Variants in VIRMA observed in about 807,000 individuals in gnomAD.
VIRMA encodes the protein vir like m6A methyltransferase associated, also known as protein virilizer homolog.
A neutral mutation model predicts 182.4 loss-of-function variants in VIRMA; 65 were observed. The ratio of observed to expected loss-of-function variants is 0.36; its 90% confidence interval spans 0.29 to 0.44. The LOEUF (loss-of-function observed/expected upper bound fraction) is 0.44, where lower values mean the gene tolerates loss of function less well. Ranked by LOEUF, VIRMA falls within the 20% of genes least tolerant of loss-of-function variation. The pLI is 1.00. For synonymous variants in VIRMA, 709 were observed against 743.1 expected (o/e 0.95, Z 0.75); for missense variants, 1,752 against 2,158.1 (o/e 0.81, Z 3.73).
At chr8:94,498,213 T>A (rs1365225415) in intron 17 of VIRMA, 1 of 152,200 alleles carries the variant, frequency 6.6e-6, no homozygotes, top group African/African-American at 2.4e-5. Context: ...ATTGTGCTCA[T>A]AATATACCAT....
chr8:94,542,589 A>G (rs1162279920), intron 2 of VIRMA, among the ~76,000 whole-genome samples: 1 of 152,246 alleles, frequency 6.6e-6, no homozygotes, highest in Admixed American at 6.5e-5. Flanking sequence ...GTACAATTAG[A>G]GAAGACTGTT....
chr8:94,496,355 C>T lies in VIRMA; in HGVS notation c.4356G>A (p.Leu1452=). 6.2e-7 allele frequency: 1 copy of T among 1,612,092 alleles called. No individual in the cohort carries two copies. The highest frequency in any genetic ancestry group is 8.5e-7 in the Non-Finnish European group (1 of 1,179,532). The change falls in exon 18 of 24, where the codon TTG becomes TTA. Residue 1452 remains leucine (L), a synonymous_variant. Coordinates refer to ENST00000297591, the MANE Select transcript of VIRMA (RefSeq NM_015496.5). ...AAACAAGCTTCTCTAGTTCAAGGAA[C>T]AAATTTTCTGGACTTTCTTCTTTGC... is the stretch of plus-strand genomic sequence containing the variant. The part of the protein sequence containing the change: ...LQSKEESPEN[L]FLELEKLVLE...
Position 94,527,221 on chromosome 8 carries a change from A to G in VIRMA, c.1023T>C (p.Tyr341=), listed in dbSNP as rs1356464712. Residue 341 remains tyrosine, a synonymous_variant, in exon 8 of 24, where the codon TAT becomes TAC. Coordinates refer to ENST00000297591, the MANE Select transcript of VIRMA (RefSeq NM_015496.5). ...ATAAGAGTGGTACAAGCTCCCTGTC[A>G]TATGGATCATATGTCATAGGAGGAA... ...ASVPPMTYDP[Y]DRELVPLLYF... 6.2e-7 allele frequency: 1 copy of G among 1,614,118 alleles called. No individual in the cohort carries two copies.
intron 12 of VIRMA, 23 bp downstream of exon 12, chr8:94,511,973 T>G: frequency 7.2e-7 from 1 of 1,392,780 alleles, no homozygotes; most frequent in Non-Finnish European, 9.7e-7. Context: ...ATCGTAGTTT[T>G]TAAAATACAG....
At chr8:94,528,533 T>A (rs960178218) in intron 7 of VIRMA, among the ~76,000 whole-genome samples, 16 of 152,226 alleles carry the variant, frequency 1.1e-4, no homozygotes, top group African/African-American at 3.9e-4. Flanking sequence ...TTAGCTTGAG[T>A]ATCTCTCACT....
At chr8:94,525,416 C>T (rs952002352) in intron 8 of VIRMA, among the ~76,000 whole-genome samples, 2 of 152,184 alleles carry the variant, frequency 1.3e-5, no homozygotes, top group Non-Finnish European at 2.9e-5. Flanking sequence ...TTTCAAAGAA[C>T]CTGCACCCAA....
At position 94,519,280 on chromosome 8, in the gene VIRMA, CA is replaced by C; in HGVS notation, c.2217del (p.Tyr739Ter). On this transcript the variant is annotated frameshift_variant, in exon 9 of 24. Transcript: ENST00000297591. LOFTEE classifies it high-confidence loss of function. ...TGGAGACCTTCCTCCTCATCTTGAT[CA>C]TAAAAGTGACACAGAGCTCGGATCA... ...NLLIRALCHF[Y>X]DQDEEEGLQS... 1 of 1,614,078 alleles carries C rather than the reference CA, an allele frequency of 6.2e-7. No homozygotes were observed. Among genetic ancestry groups the C allele is most frequent in the Non-Finnish European group, 8.5e-7 (1 of 1,180,006 alleles).
intron 1 of VIRMA, among the ~76,000 whole-genome samples, chr8:94,547,779 T>A (rs981070719): frequency 6.7e-6 from 1 of 150,134 alleles, no homozygotes; most frequent in Admixed American, 6.6e-5. Flanking sequence ...AGCATTAATA[T>A]CGTAGCACTT....
intron 1 of VIRMA, among the ~76,000 whole-genome samples, chr8:94,551,080 T>G (rs986080144): frequency 6.6e-6 from 1 of 152,154 alleles, no homozygotes; most frequent in Non-Finnish European, 1.5e-5. Context: ...TTGAATTGCC[T>G]TGGGTGCCAC....
In VIRMA at chr8:94,490,012, G is replaced by GT; in HGVS notation, c.5210dup (p.Tyr1737Ter). 6.2e-7 allele frequency: 1 copy of GT among 1,614,160 alleles called. No individual in the cohort carries two copies. Among genetic ancestry groups the GT allele is most frequent in the Non-Finnish European group, 8.5e-7 (1 of 1,180,006 alleles). The change falls in exon 23 of 24, where the codon TAC becomes TAAC. Residue 1737 changes from tyrosine to a stop codon, truncating the protein, a stop_gained and frameshift_variant. Coordinates refer to ENST00000297591, the MANE Select transcript of VIRMA (RefSeq NM_015496.5). LOFTEE classifies it high-confidence loss of function. ...WSAQNTPRGN[Y>*]NESRGGQSNF... ...TGCTCTGGCCTCCACGACTTTCATT[G>GT]TAATTTCCTCGAGGAGTATTCTGAG...
chr8:94,506,503 T>C lies in VIRMA; in HGVS notation c.4094A>G (p.Lys1365Arg). The C allele has an allele frequency of 1.3e-6, 2 of 1,594,150 alleles. No individual in the cohort carries two copies. Among genetic ancestry groups the C allele is most frequent in the Non-Finnish European group, 1.7e-6 (2 of 1,164,772 alleles). Residue 1365 changes from lysine to arginine, a missense_variant, in exon 16 of 24, where the codon AAA becomes AGA. Lys to Arg is a conservative substitution (Grantham distance 26). This residue lies in a region of VIRMA where 777 missense variants were observed against 920.6 expected (regional missense o/e 0.84). Transcript: ENST00000297591. ...AEHDYGLFHLKSSLRKNSSAL... is the reference protein window; with the variant it reads ...AEHDYGLFHLRSSLRKNSSAL... ...ATTAAATTAGACAAATCATTACCTT[T>C]TTAAATGAAATAATCCATAATCATG...
At chr8:94,515,096 T>C (rs1814514973) in intron 10 of VIRMA, 145 bp from the exon 11 acceptor site, 1 of 430,870 alleles carries the variant, frequency 2.3e-6, no homozygotes, top group Admixed American at 3.8e-5. Context: ...ATGCATCTAA[T>C]TCTTTTTTTT....
At chr8:94,524,229 C>T (rs986409625) in intron 8 of VIRMA, among the ~76,000 whole-genome samples, 1 of 151,548 alleles carries the variant, frequency 6.6e-6, no homozygotes, top group Non-Finnish European at 1.5e-5. Context: ...GAACTCTCGA[C>T]CTCAGGTGAA....
At chr8:94,527,549 ACTT>A (rs1306303806) in intron 7 of VIRMA, among the ~76,000 whole-genome samples, 186 bp from the exon 8 acceptor site, 3 of 152,186 alleles carry the variant, frequency 2.0e-5, no homozygotes, top group Non-Finnish European at 4.4e-5. Context: ...TTATGGACAA[ACTT>A]CTTTTTTTCC....
intron 19 of VIRMA, among the ~76,000 whole-genome samples, 162 bp downstream of exon 19, chr8:94,495,569 A>AC (rs1245738213): frequency 1.3e-5 from 2 of 151,752 alleles, no homozygotes; most frequent in Admixed American, 6.6e-5. Context: ...AAAAAAAAAA[A>AC]AAAAAACTAA....
chr8:94,506,060 T>C (rs1814142040), intron 16 of VIRMA, among the ~76,000 whole-genome samples: 1 of 152,244 alleles, frequency 6.6e-6, no homozygotes, highest in African/African-American at 2.4e-5. Context: ...TGTACCGTTT[T>C]ATATAATGGA....
rs534482132 is a variant in VIRMA, at chr8:94,488,979, G to A, written c.5285-119C>T. 163 of 1,102,126 alleles carry A rather than the reference G, an allele frequency of 1.5e-4. 2 individuals are homozygous for A. The African/African-American group carries it at 1.9e-3, about 13-fold the overall frequency. 68.3% of individuals were successfully genotyped at this position (1,102,126 alleles called of 1,614,324 possible). ...TACTCTATTCTCTTTTAAAGCTCACGTGCAAGCACGGTGAATGGGCCAAAG... is the reference window on the plus strand; with the variant it reads ...TACTCTATTCTCTTTTAAAGCTCACATGCAAGCACGGTGAATGGGCCAAAG... On this transcript the variant is annotated intron_variant, in intron 23 of 23. Transcript: ENST00000297591.
At chr8:94,507,948 T>C (rs1814227603) in intron 15 of VIRMA, among the ~76,000 whole-genome samples, 1 of 148,870 alleles carries the variant, frequency 6.7e-6, no homozygotes, top group African/African-American at 2.4e-5. Context: ...TGTATATGTG[T>C]ATATATGTAT....
chr8:94,537,003 G>A, intron 4 of VIRMA, 100 bp downstream of exon 4: 7 of 772,038 alleles, frequency 9.1e-6, no homozygotes, highest in South Asian at 1.7e-5. Flanking sequence ...AAAAAAAAAA[G>A]ATATGACACT....
Sources: gnomAD v4.1 joint callset for allele counts (sites outside exome capture counted in the v4.1 genomes callset) on GRCh38, gnomAD v4.1.1 for gene constraint, gnomAD v4.1.1 regional missense constraint, MANE v1.5 for transcripts, NCBI Gene and HGNC (gene_info 2026-07-23, HGNC 2026-07-21) for gene names.